CSMD3: variants seen among roughly 807,000 people sequenced by gnomAD.
CSMD3 encodes CUB and sushi domain-containing protein 3.
Under a neutral mutation model 435.2 loss-of-function variants are expected in CSMD3, and 177 were observed. That is an observed-to-expected ratio of 0.41 (90% confidence interval 0.36 to 0.46). CSMD3 has a LOEUF of 0.46. Among genes scored for constraint, CSMD3 ranks in the 20% least tolerant of loss-of-function variants. CSMD3 has a pLI of 0.34. For missense variants in CSMD3, 4,265 were observed against 4,504.6 expected, an observed-to-expected ratio of 0.95 and a Z score of 1.52; for synonymous variants, 1,656 against 1,520.5, an observed-to-expected ratio of 1.09 and a Z score of -2.07.
intron 5 of CSMD3, among the ~76,000 whole-genome samples, chr8:113,054,450 A>C (rs1587976549): frequency 6.6e-6 from 1 of 152,190 alleles, no homozygotes; most frequent in East Asian, 1.9e-4. Flanking sequence ...CCATGAAGAT[A>C]TCATATTTCT....
In CSMD3 at chr8:112,682,396, A is replaced by G. The variant is rs1218662332; in HGVS notation, c.2677+46T>C. 2.2e-6 allele frequency: 3 copies of G among 1,381,100 alleles called. 1 individual carries two copies. Among genetic ancestry groups the G allele is most frequent in the East Asian group, 2.3e-5 (1 of 43,696 alleles). 85.6% of individuals were successfully genotyped at this position (1,381,100 alleles called of 1,614,324 possible). A position where few individuals can be genotyped will look rare whatever the true frequency, so the allele number is the denominator to read the frequency against. The stretch of plus-strand genomic sequence containing the variant: ...TGTGTTTCTTGTTGTGGTTTCTTGT[A>G]CATAATGATGATGAGGTTCTATTTC... On this transcript the variant is annotated intron_variant, in intron 16 of 70. Transcript: ENST00000297405.
chr8:112,413,913 C>A (rs1314942175), intron 32 of CSMD3, among the ~76,000 whole-genome samples: 2 of 152,030 alleles, frequency 1.3e-5, no homozygotes, highest in Non-Finnish European at 2.9e-5. Context: ...TTAGCCAAAA[C>A]CCCCTTCCCT....
At chr8:113,307,024 T>G (rs888597095) in intron 2 of CSMD3, among the ~76,000 whole-genome samples, 2 of 152,040 alleles carry the variant, frequency 1.3e-5, no homozygotes, top group African/African-American at 4.8e-5. Flanking sequence ...AATAAAGGAA[T>G]ATATAAAGTT....
intron 3 of CSMD3, among the ~76,000 whole-genome samples, chr8:113,191,950 G>T (rs2092592231): frequency 6.6e-6 from 1 of 151,840 alleles, no homozygotes; most frequent in Non-Finnish European, 1.5e-5. Flanking sequence ...ATTCTGACTG[G>T]TGTAAGATGG....
rs115214812 is a variant in CSMD3, at chr8:113,054,938, C to T, written c.918-35759G>A. Among the ~76,000 whole-genome samples, 1,037 of 152,224 alleles carry T rather than the reference C, an allele frequency of 6.8e-3. 13 individuals are homozygous for T. Among genetic ancestry groups the T allele is most frequent in the African/African-American group, 0.024 (996 of 41,526 alleles). ...TCTCGTTCTCACTTTTCTTACATAA[C>T]CTATTCTGTAAGAACCTCCCTGACT... is the stretch of plus-strand genomic sequence containing the variant. On this transcript the variant is annotated intron_variant, in intron 5 of 70. Coordinates refer to ENST00000297405, the MANE Select transcript of CSMD3 (RefSeq NM_198123.2).
chr8:112,851,658 G>GCCT (rs879262136), intron 11 of CSMD3, among the ~76,000 whole-genome samples: 2 of 151,978 alleles, frequency 1.3e-5, no homozygotes, highest in Non-Finnish European at 2.9e-5. Context: ...CAGCTACTCA[G>GCCT]GAGGCAGAGA....
intron 3 of CSMD3, among the ~76,000 whole-genome samples, chr8:113,253,049 A>C (rs2093348215): frequency 6.6e-6 from 1 of 152,128 alleles, no homozygotes; most frequent in Non-Finnish European, 1.5e-5. Context: ...AGCACAGATC[A>C]ATAATATAAA....
intron 38 of CSMD3, among the ~76,000 whole-genome samples, chr8:112,361,107 C>A (rs1462873147): frequency 6.6e-6 from 1 of 151,892 alleles, no homozygotes; most frequent in African/African-American, 2.4e-5. Flanking sequence ...GAAAAGGCTT[C>A]TCTTCTGCTT....
intron 12 of CSMD3, among the ~76,000 whole-genome samples, chr8:112,803,241 T>C (rs1183957567): frequency 6.6e-6 from 1 of 152,210 alleles, no homozygotes; most frequent in African/African-American, 2.4e-5. Context: ...CTGCATCCCT[T>C]GTGTCTCTTT....
At chr8:113,050,809 A>G (rs1318045704) in intron 5 of CSMD3, among the ~76,000 whole-genome samples, 1 of 152,050 alleles carries the variant, frequency 6.6e-6, no homozygotes, top group Non-Finnish European at 1.5e-5. Context: ...TAAGCATATG[A>G]GCCAATCCAA....
chr8:112,234,818 A>C (rs951587319), intron 67 of CSMD3, among the ~76,000 whole-genome samples: 10 of 152,240 alleles, frequency 6.6e-5, no homozygotes, highest in Admixed American at 4.6e-4. Flanking sequence ...TTTCAAGCAT[A>C]CAAATCCAGT....
intron 23 of CSMD3, among the ~76,000 whole-genome samples, chr8:112,580,362 A>T (rs1167280889): frequency 1.3e-5 from 2 of 152,164 alleles, no homozygotes; most frequent in East Asian, 3.9e-4. Context: ...AGATGAGTTA[A>T]GCGGAGAACA....
intron 4 of CSMD3, among the ~76,000 whole-genome samples, chr8:113,173,511 G>A (rs2092301486): frequency 6.6e-6 from 1 of 151,890 alleles, no homozygotes; most frequent in African/African-American, 2.4e-5. Context: ...TAGTAAAGAT[G>A]GGGCTTCACT....
chr8:113,216,302 A>G (rs1007009327), intron 3 of CSMD3, among the ~76,000 whole-genome samples: 1 of 151,946 alleles, frequency 6.6e-6, no homozygotes, highest in African/African-American at 2.4e-5. Flanking sequence ...CACTGAGCTT[A>G]TATCTTTAAA....
At chr8:112,492,884 A>G (rs1272620232) in intron 30 of CSMD3, among the ~76,000 whole-genome samples, 2 of 145,124 alleles carry the variant, frequency 1.4e-5, no homozygotes, top group African/African-American at 5.2e-5. Context: ...CCTAGCATTT[A>G]CATCATATCC....
At chr8:112,597,192 C>T (rs918431070) in intron 22 of CSMD3, among the ~76,000 whole-genome samples, 1 of 150,980 alleles carries the variant, frequency 6.6e-6, no homozygotes, top group Non-Finnish European at 1.5e-5. Flanking sequence ...GATATCACCA[C>T]CAATCCCACA....
At chr8:112,644,788 T>C (rs558685008) in intron 20 of CSMD3, among the ~76,000 whole-genome samples, 1 of 152,232 alleles carries the variant, frequency 6.6e-6, no homozygotes, top group Non-Finnish European at 1.5e-5. Context: ...GAAATCCATT[T>C]CTTAACACTA....
intron 13 of CSMD3, among the ~76,000 whole-genome samples, chr8:112,702,599 G>A (rs1441276956): frequency 6.6e-6 from 1 of 151,982 alleles, no homozygotes; most frequent in Non-Finnish European, 1.5e-5. Flanking sequence ...GGGGTGGGGG[G>A]TAAAGACTGA....
intron 14 of CSMD3, 104 bp from the exon 15 acceptor site, chr8:112,685,836 A>C (rs2075998546): frequency 1.3e-6 from 1 of 753,800 alleles, no homozygotes; most frequent in African/African-American, 1.8e-5. Context: ...GCAGTATAAG[A>C]TAATATTAAA....
Sources: gnomAD v4.1 joint callset for allele counts (sites outside exome capture counted in the v4.1 genomes callset) on GRCh38, gnomAD v4.1.1 for gene constraint, MANE v1.5 for transcripts, NCBI Gene and HGNC (gene_info 2026-07-23, HGNC 2026-07-21) for gene names.